The following KPNA5 variants were observed in gnomAD, a reference collection of about 807,000 sequenced individuals.
The protein encoded by KPNA5 is importin subunit alpha-6.
In KPNA5, 46 loss-of-function variants were observed where a neutral mutation model predicts 71.3. The ratio of observed to expected loss-of-function variants is 0.65; its 90% CI spans 0.51 to 0.83. The LOEUF (loss-of-function observed/expected upper bound fraction) is 0.83. Ranked by LOEUF, KPNA5 falls within the 40% of genes least tolerant of loss-of-function variation. The pLI is 0.00. For synonymous variants in KPNA5, 207 were observed against 201.4 expected (o/e 1.03, Z -0.24); for missense variants, 547 against 628.3 (o/e 0.87, Z 1.38).
chr6:116,687,446 C>T (rs1583400183), intron 1 of KPNA5, among the ~76,000 whole-genome samples: 1 of 152,118 alleles, frequency 6.6e-6, no homozygotes, highest in Non-Finnish European at 1.5e-5. Context: ...GGGGTGACAA[C>T]TGTTCTGTGT....
Position 116,732,152 on chromosome 6 carries a change from G to A in KPNA5, c.1449G>A (p.Glu483=), listed in dbSNP as rs1562458951. 1 of 1,471,196 alleles carries A rather than the reference G, an allele frequency of 6.8e-7. No individual in the cohort carries two copies. The allele number at this position is 1,471,196 out of a possible 1,614,324, so 91.1% of individuals were successfully genotyped here. ...IEEAYGLDKI[E]FLQSHENQEI... Reference sequence around the variant, plus strand: ...GTATAACAGGTCTGGATAAAATTGAGTTTTTGCAAAGCCATGAAAATCAGG... The same window carrying A: ...GTATAACAGGTCTGGATAAAATTGAATTTTTGCAAAGCCATGAAAATCAGG... Residue 483 remains glutamate, a synonymous_variant, in exon 14 of 14, where the codon GAG becomes GAA. Transcript: ENST00000368564.
intron 5 of KPNA5, among the ~76,000 whole-genome samples, chr6:116,699,986 C>G (rs1438979243): frequency 1.3e-5 from 2 of 152,150 alleles, no homozygotes; most frequent in African/African-American, 4.8e-5. Flanking sequence ...CCTTAGTGCT[C>G]TAACAGAGCT....
In KPNA5 at chr6:116,722,307, A is replaced by G. The variant is rs761760497; in HGVS notation, c.920+18A>G. ...CTTTTGATGTAACTATAAATAATTT[A>G]TGCTTAATAATTGTATGATTGAGAT... On this transcript the variant is annotated intron_variant, in intron 9 of 13. Coordinates refer to ENST00000368564, the MANE Select transcript of KPNA5 (RefSeq NM_001366306.2). The G allele has an allele frequency of 5.2e-5, 81 of 1,572,600 alleles. 1 individual carries two copies. In the Admixed American group the frequency reaches 1.4e-3, roughly 27 times the overall value.
At chr6:116,701,922 A>C in intron 5 of KPNA5, 97 bp from the exon 6 acceptor site, 1 of 1,084,246 alleles carries the variant, frequency 9.2e-7, no homozygotes, top group Non-Finnish European at 1.3e-6. Flanking sequence ...AGTCTTTCAC[A>C]CTTGTCCTGG....
At chr6:116,682,062 C>G (rs146457325) in intron 1 of KPNA5, among the ~76,000 whole-genome samples, 7,441 of 151,862 alleles carry the variant, frequency 0.049, 193 homozygotes, top group African/African-American at 0.07. Flanking sequence ...GTCAGGAGAT[C>G]GAGACCATCC....
chr6:116,683,896 CTTTTTTTTTTTTTT>C (rs140446065), intron 1 of KPNA5, among the ~76,000 whole-genome samples: 53 of 59,608 alleles, frequency 8.9e-4, no homozygotes, highest in East Asian at 2.0e-3. Context: ...CGTGCCCGGC[CTTTTTTTTTTTTTT>C]TTTTTTTTTT....
At chr6:116,721,698 A>G (rs928387865) in intron 8 of KPNA5, among the ~76,000 whole-genome samples, 3 of 152,148 alleles carry the variant, frequency 2.0e-5, no homozygotes, top group African/African-American at 7.2e-5. Context: ...TACTTTCTGT[A>G]CCTTAGTTCC....
At chr6:116,730,969 T>G (rs1779461220) in intron 13 of KPNA5, among the ~76,000 whole-genome samples, 2 of 152,118 alleles carry the variant, frequency 1.3e-5, no homozygotes, top group Non-Finnish European at 2.9e-5. Flanking sequence ...TTCTTTTATT[T>G]TAATAAAACA....
rs1003841209 is a variant in KPNA5 at position 116,736,026 on chromosome 6, G to A, written c.*3703G>A. 2 of 151,924 alleles carry A rather than the reference G, an allele frequency of 1.3e-5. No homozygotes were observed. The highest frequency in any genetic ancestry group is 3.9e-4 in the East Asian group (2 of 5,178). The allele number at this position is 151,924 out of a possible 1,614,324, so 9.4% of individuals were successfully genotyped here. On this transcript the variant is annotated 3_prime_UTR_variant, in exon 14 of 14. Coordinates refer to ENST00000368564, the MANE Select transcript of KPNA5 (RefSeq NM_001366306.2). ...TATACCATGCTATCACAAATCAAAAGTAAGTTGGGGTGGCCATATAATGCA... is the reference window on the plus strand; with the variant it reads ...TATACCATGCTATCACAAATCAAAAATAAGTTGGGGTGGCCATATAATGCA...
chr6:116,741,674 AAAG>A lies in KPNA5; in HGVS notation c.*9356_*9358del, dbSNP rs1227612222. On this transcript the variant is annotated 3_prime_UTR_variant, in exon 14 of 14. Coordinates refer to ENST00000368564, the MANE Select transcript of KPNA5 (RefSeq NM_001366306.2). ...TCCAAAAAAGCAGTCAGCTGATGGA[AAAG>A]AAGATTATTAAACCTTTGTTCTGGG... 1.3e-5 allele frequency: 2 copies of A among 153,388 alleles called. No individual in the cohort carries two copies. Among genetic ancestry groups the A allele is most frequent in the African/African-American group, 2.4e-5 (1 of 41,466 alleles). 9.5% of individuals were successfully genotyped at this position (153,388 alleles called of 1,614,324 possible). A position where few individuals can be genotyped will look rare whatever the true frequency, so the allele number is the denominator to read the frequency against.
chr6:116,722,893 T>C (rs1019956301), intron 9 of KPNA5, among the ~76,000 whole-genome samples: 13 of 152,348 alleles, frequency 8.5e-5, no homozygotes, highest in Non-Finnish European at 1.6e-4. Flanking sequence ...TCTTCCTTCC[T>C]TTCTTCTTTT....
chr6:116,691,699 A>G (rs1777806626), intron 2 of KPNA5, among the ~76,000 whole-genome samples: 7 of 152,176 alleles, frequency 4.6e-5, no homozygotes, highest in Admixed American at 4.6e-4. Flanking sequence ...GTGCTTTTTA[A>G]GTTTTCTTGC....
At chr6:116,687,880 A>T (rs914741522) in intron 1 of KPNA5, among the ~76,000 whole-genome samples, 1 of 152,196 alleles carries the variant, frequency 6.6e-6, no homozygotes, top group Non-Finnish European at 1.5e-5. Context: ...ACTATGTAAA[A>T]ACAACCTTTT....
chr6:116,717,125 T>C (rs926062721), intron 8 of KPNA5, among the ~76,000 whole-genome samples: 12 of 152,176 alleles, frequency 7.9e-5, no homozygotes, highest in Non-Finnish European at 1.5e-4. Flanking sequence ...AGGTGAAGAA[T>C]ACAAAGATAG....
At chr6:116,715,842 G>C (rs2114465640) in intron 7 of KPNA5, among the ~76,000 whole-genome samples, 1 of 152,126 alleles carries the variant, frequency 6.6e-6, no homozygotes, top group African/African-American at 2.4e-5. Context: ...CTTGACCCAG[G>C]GGGCAGAGGT....
At chr6:116,711,538 ATGTGTGTGTG>A (rs143357784) in intron 7 of KPNA5, among the ~76,000 whole-genome samples, 2 of 143,486 alleles carry the variant, frequency 1.4e-5, no homozygotes, top group Non-Finnish European at 1.5e-5. Context: ...TTTTCTGCAT[ATGTGTGTGTG>A]TGTGTGTGTG....
chr6:116,721,961 A>T (rs1454602472), intron 8 of KPNA5, among the ~76,000 whole-genome samples, 165 bp from the exon 9 acceptor site: 2 of 152,208 alleles, frequency 1.3e-5, no homozygotes, highest in African/African-American at 4.8e-5. Context: ...AGTAGTCATA[A>T]TCAGCTTCAT....
intron 7 of KPNA5, among the ~76,000 whole-genome samples, chr6:116,714,266 CT>C (rs1395399483): frequency 6.6e-6 from 1 of 152,108 alleles, no homozygotes. Flanking sequence ...GCCTCTATTC[CT>C]TGTCATGCGT....
rs750038980 is a variant in KPNA5 at position 116,732,349 on chromosome 6, G to A, written c.*26G>A. 2.2e-6 allele frequency: 3 copies of A among 1,373,214 alleles called. No homozygotes were observed. The highest frequency in any genetic ancestry group is 1.9e-4 in the Middle Eastern group (1 of 5,358). The allele number at this position is 1,373,214 out of a possible 1,614,324, so 85.1% of individuals were successfully genotyped here. On this transcript the variant is annotated 3_prime_UTR_variant, in exon 14 of 14. Coordinates refer to ENST00000368564, the MANE Select transcript of KPNA5 (RefSeq NM_001366306.2). ...CTTACTGGAGGAAAAAAAATTTATG[G>A]CTAAAAAGGGTAGCTTCAGGTAACT...
Sources: gnomAD v4.1 joint callset for allele counts (sites outside exome capture counted in the v4.1 genomes callset) on GRCh38, gnomAD v4.1.1 for gene constraint, MANE v1.5 for transcripts, NCBI Gene and HGNC (gene_info 2026-07-23, HGNC 2026-07-21) for gene names.